OCA2: variants seen among roughly 807,000 people sequenced by gnomAD.
OCA2 encodes P protein.
Under a neutral mutation model 100.2 loss-of-function variants are expected in OCA2, and 77 were observed. The observed-to-expected ratio is 0.77, with a 90% CI of 0.64 to 0.93. The LOEUF is 0.93. Ranked by LOEUF, OCA2 falls within the 40% of genes least tolerant of loss-of-function variation. The pLI, the probability that OCA2 is intolerant of heterozygous loss-of-function variation, is 0.00. For synonymous variants in OCA2, 432 were observed against 439.2 expected, an observed-to-expected ratio of 0.98 and a Z score of 0.21; for missense variants, 1,062 against 1,089.1, an observed-to-expected ratio of 0.98 and a Z score of 0.35.
chr15:28,096,002 G>C (rs781151956), intron 1 of OCA2, among the ~76,000 whole-genome samples: 1 of 152,244 alleles, frequency 6.6e-6, no homozygotes, highest in Non-Finnish European at 1.5e-5. Flanking sequence ...CCCTGGCTAT[G>C]CTTGCAGGGG....
chr15:27,917,666 G>T (rs932774384), intron 19 of OCA2, among the ~76,000 whole-genome samples: 1 of 152,102 alleles, frequency 6.6e-6, no homozygotes, highest in Admixed American at 6.5e-5. Context: ...GCTCATAGAG[G>T]GGGGAAGCAA....
chr15:28,034,939 T>G (rs1012433199), intron 2 of OCA2, among the ~76,000 whole-genome samples: 1 of 151,950 alleles, frequency 6.6e-6, no homozygotes, highest in African/African-American at 2.4e-5. Context: ...GACGAGAGGG[T>G]CAGGAGACCC....
intron 18 of OCA2, among the ~76,000 whole-genome samples, chr15:27,946,299 GA>G (rs2039832599): frequency 6.6e-6 from 1 of 152,174 alleles, no homozygotes; most frequent in South Asian, 2.1e-4. Flanking sequence ...TTCTCTATTT[GA>G]GTCCTTGTGG....
chr15:27,792,313 T>G (rs1026962082), intron 23 of OCA2, among the ~76,000 whole-genome samples: 13 of 152,198 alleles, frequency 8.5e-5, no homozygotes, highest in African/African-American at 3.1e-4. Flanking sequence ...TTTATGCACA[T>G]GAATGAACCA....
At chr15:27,897,380 T>C (rs1195116976) in intron 19 of OCA2, among the ~76,000 whole-genome samples, 3 of 152,110 alleles carry the variant, frequency 2.0e-5, no homozygotes, top group Non-Finnish European at 4.4e-5. Context: ...AGCACCTCCC[T>C]GCTCTGTGCA....
At chr15:27,743,261 G>A in the OCA2 span, among the ~76,000 whole-genome samples, 18 of 152,284 alleles carry the variant, frequency 1.2e-4, no homozygotes, top group East Asian at 2.7e-3. Flanking sequence ...CAGTCTGCAC[G>A]GCCACAAGTC....
intron 19 of OCA2, among the ~76,000 whole-genome samples, chr15:27,919,491 G>C (rs763733722): frequency 6.6e-6 from 1 of 152,124 alleles, no homozygotes; most frequent in Non-Finnish European, 1.5e-5. Flanking sequence ...AAAGTTAAAT[G>C]CATATTACTA....
intron 23 of OCA2, among the ~76,000 whole-genome samples, chr15:27,769,173 C>G (rs1048152775): frequency 2.6e-5 from 4 of 152,212 alleles, no homozygotes; most frequent in African/African-American, 7.2e-5. Flanking sequence ...CACACTACGC[C>G]TTCATCTCCC....
chr15:27,803,641 G>T (rs981748689), intron 23 of OCA2, among the ~76,000 whole-genome samples: 2 of 152,224 alleles, frequency 1.3e-5, no homozygotes, highest in African/African-American at 4.8e-5. Flanking sequence ...AAGATGAAAA[G>T]AGTTTTGAAG....
rs116162243 is a variant in OCA2 at position 27,832,748 on chromosome 15, T to A, written c.2432+12211A>T. 4.5e-3 allele frequency among the ~76,000 whole-genome samples: 678 copies of A among 152,274 alleles called. 6 individuals carry two copies. Among genetic ancestry groups the A allele is most frequent in the African/African-American group, 0.015 (639 of 41,542 alleles). ...CTACTTCTTGCTAGTTACAAAGCTG[T>A]GTTGACTTCATGGATGACTATAAAA... On this transcript the variant is annotated intron_variant, in intron 23 of 23. Transcript: ENST00000354638.
At chr15:27,842,050 C>A (rs2035361092) in intron 23 of OCA2, among the ~76,000 whole-genome samples, 1 of 152,198 alleles carries the variant, frequency 6.6e-6, no homozygotes, top group Admixed American at 6.5e-5. Context: ...AAGGTTTTAT[C>A]TATAAAGATA....
At chr15:28,005,542 T>C (rs1352309417) in intron 9 of OCA2, among the ~76,000 whole-genome samples, 1 of 151,808 alleles carries the variant, frequency 6.6e-6, no homozygotes, top group Non-Finnish European at 1.5e-5. Context: ...AACACCCAAA[T>C]CCCATGAACA....
intron 21 of OCA2, among the ~76,000 whole-genome samples, chr15:27,854,248 G>A (rs946886304): frequency 4.6e-5 from 7 of 152,208 alleles, no homozygotes; most frequent in Admixed American, 1.3e-4. Flanking sequence ...TGCTGCCCTG[G>A]GGAGTCCCCA....
At chr15:27,753,805 G>A (rs77470791), downstream of OCA2, among the ~76,000 whole-genome samples, 2 of 152,090 alleles carry the variant, frequency 1.3e-5, no homozygotes, top group South Asian at 2.1e-4. Flanking sequence ...GAAGAGTAGA[G>A]AGAGGCACCA....
At chr15:27,776,979 G>GT (rs996848911) in intron 23 of OCA2, among the ~76,000 whole-genome samples, 1 of 151,142 alleles carries the variant, frequency 6.6e-6, no homozygotes, top group African/African-American at 2.4e-5. Flanking sequence ...TGAGGTGGGG[G>GT]GGGGTGGGGG....
At chr15:27,774,313 A>G (rs371797294) in intron 23 of OCA2, among the ~76,000 whole-genome samples, 6 of 152,350 alleles carry the variant, frequency 3.9e-5, no homozygotes, top group African/African-American at 1.4e-4. Flanking sequence ...AGTCCATGTT[A>G]TAACACAAGT....
At chr15:28,013,678 C>T (rs1183955717) in intron 9 of OCA2, among the ~76,000 whole-genome samples, 1 of 152,076 alleles carries the variant, frequency 6.6e-6, no homozygotes, top group Non-Finnish European at 1.5e-5. Context: ...GAGAGGAGAC[C>T]TTTCAGAAGC....
intron 23 of OCA2, among the ~76,000 whole-genome samples, chr15:27,783,678 C>G (rs545822455): frequency 6.6e-6 from 1 of 152,362 alleles, no homozygotes; most frequent in South Asian, 2.1e-4. Flanking sequence ...GAGAAGAGAA[C>G]AATCCTGAAG....
intron 19 of OCA2, 28 bp downstream of exon 19, chr15:27,926,099 C>T: frequency 5.0e-6 from 8 of 1,613,366 alleles, no homozygotes; most frequent in Non-Finnish European, 6.8e-6. Context: ...AGGTAAAATG[C>T]CATATGGCAA....
Sources: gnomAD v4.1 joint callset for allele counts (sites outside exome capture counted in the v4.1 genomes callset) on GRCh38, gnomAD v4.1.1 for gene constraint, MANE v1.5 for transcripts, NCBI Gene and HGNC (gene_info 2026-07-23, HGNC 2026-07-21) for gene names.